MAPT: variants seen among roughly 807,000 people sequenced by gnomAD.
MAPT encodes microtubule associated protein tau, also known as microtubule-associated protein tau.
A neutral mutation model predicts 67.9 loss-of-function variants in MAPT; 34 were observed. The ratio of observed to expected loss-of-function variants is 0.50; its 90% CI spans 0.38 to 0.67. The LOEUF (loss-of-function observed/expected upper bound fraction) is 0.67. Among genes scored for constraint, MAPT ranks in the 30% least tolerant of loss-of-function variants. The pLI is 0.00. For synonymous variants in MAPT, 456 were observed against 464.5 expected, an observed-to-expected ratio of 0.98 and a Z score of 0.23; for missense variants, 881 against 1,115.2, an observed-to-expected ratio of 0.79 and a Z score of 2.99.
rs184768270 is a variant in MAPT, at chr17:45,997,779, C to G, written c.1998+1115C>G. ...TGTCTCAAAACAAAATAAAACAAAC[C>G]AAAAAAACCCACCATGGCTTAGGGC... On this transcript the variant is annotated intron_variant, in intron 9 of 12. Coordinates refer to ENST00000262410, the MANE Select transcript of MAPT (RefSeq NM_001377265.1). Among the ~76,000 whole-genome samples, 264 of 151,970 alleles carry G rather than the reference C, an allele frequency of 1.7e-3. 1 individual carries two copies. The highest frequency in any genetic ancestry group is 6.2e-3 in the African/African-American group (259 of 41,460).
At chr17:45,947,258 C>G (rs2068595833) in intron 1 of MAPT, among the ~76,000 whole-genome samples, 2 of 152,076 alleles carry the variant, frequency 1.3e-5, no homozygotes, top group Non-Finnish European at 2.9e-5. Flanking sequence ...CAAAAGGAGA[C>G]ACAGCTCCTT....
chr17:45,912,242 G>A (rs534022850), intron 1 of MAPT, among the ~76,000 whole-genome samples: 24 of 152,360 alleles, frequency 1.6e-4, no homozygotes, highest in Non-Finnish European at 2.9e-4. Context: ...ATTGGCATAG[G>A]CTGCATAATG....
intron 3 of MAPT, chr17:45,972,861 T>C (rs1225535730): frequency 1.3e-5 from 2 of 152,898 alleles, no homozygotes; most frequent in African/African-American, 4.8e-5. Context: ...TTATGTCTCA[T>C]TGGCCAGAGC....
At chr17:45,913,037 G>A (rs956552803) in intron 1 of MAPT, among the ~76,000 whole-genome samples, 11 of 152,330 alleles carry the variant, frequency 7.2e-5, no homozygotes, top group East Asian at 1.9e-4. Flanking sequence ...GGGTGGAGGC[G>A]TTAGCTGTTA....
intron 1 of MAPT, among the ~76,000 whole-genome samples, chr17:45,945,311 T>C (rs1446142437): frequency 6.6e-6 from 1 of 152,238 alleles, no homozygotes; most frequent in Non-Finnish European, 1.5e-5. Flanking sequence ...TGCCTGGCTA[T>C]AGAAATATTT....
intron 1 of MAPT, among the ~76,000 whole-genome samples, chr17:45,914,746 G>A (rs572003860): frequency 1.3e-5 from 2 of 150,492 alleles, no homozygotes; most frequent in East Asian, 1.9e-4. Flanking sequence ...TTTGAGACAG[G>A]GTCTCTCTCT....
intron 1 of MAPT, among the ~76,000 whole-genome samples, chr17:45,917,817 AG>A (rs1197717648): frequency 3.4e-5 from 5 of 148,838 alleles, no homozygotes; most frequent in African/African-American, 1.2e-4. Context: ...GCTGTCACCC[AG>A]GCTGGAGTGC....
chr17:45,992,009 C>T (rs1040391096), intron 8 of MAPT, among the ~76,000 whole-genome samples: 35 of 152,178 alleles, frequency 2.3e-4, no homozygotes, highest in African/African-American at 7.2e-4. Flanking sequence ...TGGTCTCGAA[C>T]GCCTGACCTC....
In MAPT at chr17:45,989,785, C is replaced by T. The variant is rs571239371; in HGVS notation, c.1408-93C>T. ...ATCACTGCTTTCAACCATTACCTGC[C>T]TTATTTATTTTTAGTTACTGTCCTT... is the stretch of plus-strand genomic sequence containing the variant. On this transcript the variant is annotated intron_variant, in intron 6 of 12. Transcript: ENST00000262410. 5.4e-5 allele frequency: 61 copies of T among 1,138,244 alleles called. No individual in the cohort carries two copies. In the East Asian group the frequency reaches 1.4e-3, roughly 26 times the overall value. The allele number at this position is 1,138,244 out of a possible 1,614,324, so 70.5% of individuals were successfully genotyped here.
chr17:46,016,771 A>AAAG (rs1298751422), intron 11 of MAPT, among the ~76,000 whole-genome samples: 32 of 152,104 alleles, frequency 2.1e-4, no homozygotes, highest in Non-Finnish European at 3.8e-4. Context: ...ACTCAGCAAA[A>AAAG]AAAGAAAGAA....
chr17:45,950,694 G>A (rs917111396), intron 1 of MAPT, among the ~76,000 whole-genome samples: 1 of 152,086 alleles, frequency 6.6e-6, no homozygotes, highest in African/African-American at 2.4e-5. Context: ...TTTTGAGACA[G>A]AGTCTTAACC....
intron 1 of MAPT, among the ~76,000 whole-genome samples, chr17:45,919,387 C>G (rs965217520): frequency 1.3e-5 from 2 of 152,226 alleles, no homozygotes; most frequent in Non-Finnish European, 2.9e-5. Flanking sequence ...CATCCTCACG[C>G]TGCAGAGGTC....
chr17:45,973,005 G>T (rs1006583976), intron 3 of MAPT: 15 of 152,192 alleles, frequency 9.9e-5, no homozygotes, highest in African/African-American at 2.9e-4. Context: ...GGCAGTATCT[G>T]CCCCTCTATC....
At chr17:45,993,604 G>A (rs566144915) in intron 8 of MAPT, among the ~76,000 whole-genome samples, 5 of 152,320 alleles carry the variant, frequency 3.3e-5, no homozygotes, top group East Asian at 1.9e-4. Context: ...AGTAAAGACA[G>A]GGTTTCACCA....
At position 45,906,485 on chromosome 17, in the gene MAPT, G is replaced by A. The variant is rs756903998; in HGVS notation, c.-18+11799G>A. 5.9e-5 allele frequency among the ~76,000 whole-genome samples: 9 copies of A among 152,104 alleles called. No homozygotes were observed. The highest frequency in any genetic ancestry group is 1.2e-4 in the Non-Finnish European group (8 of 68,026). On this transcript the variant is annotated intron_variant, in intron 1 of 12. Transcript: ENST00000262410. This position sits in a 1 kb window ranked among gnomAD's most constrained non-coding sequence, Gnocchi z 4.3. Reference sequence around the variant, plus strand: ...GACATCTGTTTGGTGTCAAAGGCACGGGGCAGGCGCGTTAATTGAACTGCT... The same window carrying A: ...GACATCTGTTTGGTGTCAAAGGCACAGGGCAGGCGCGTTAATTGAACTGCT...
chr17:45,946,893 G>A (rs1361001191), intron 1 of MAPT, among the ~76,000 whole-genome samples: 1 of 152,038 alleles, frequency 6.6e-6, no homozygotes, highest in African/African-American at 2.4e-5. Context: ...AACCATCCGT[G>A]TGCACACAGT....
rs548667593 is a variant in MAPT, at chr17:46,002,982, C to A, written c.1998+6318C>A. Among the ~76,000 whole-genome samples the A allele has an allele frequency of 5.9e-5, 9 of 152,232 alleles. No individual in the cohort carries two copies. The South Asian group carries it at 1.9e-3, about 32-fold the overall frequency. ...TATTTTTTGTAGAGATGGGGTTTCA[C>A]TGTGTCGCCCAGGATGGTCTTGAAC... On this transcript the variant is annotated intron_variant, in intron 9 of 12. Transcript: ENST00000262410.
chr17:45,983,209 C>T lies in MAPT; in HGVS notation c.630C>T (p.Gly210=), dbSNP rs2073157556. The part of the protein sequence containing the change: ...EPESGKVVQE[G]FLREPGPPGL... ...AAAGTGGTAAGGTGGTCCAGGAAGG[C>T]TTCCTCCGAGAGCCAGGCCCCCCAG... The change falls in exon 5 of 13, where the codon GGC becomes GGT. Residue 210 remains glycine, a synonymous_variant. Coordinates refer to ENST00000262410, the MANE Select transcript of MAPT (RefSeq NM_001377265.1). 1.9e-6 allele frequency: 3 copies of T among 1,608,296 alleles called. No homozygotes were observed. Among genetic ancestry groups the T allele is most frequent in the Non-Finnish European group, 1.7e-6 (2 of 1,177,700 alleles).
chr17:45,943,765 C>T (rs1345586853), intron 1 of MAPT, among the ~76,000 whole-genome samples: 1 of 152,170 alleles, frequency 6.6e-6, no homozygotes, highest in African/African-American at 2.4e-5. Flanking sequence ...CCTTGTCTTC[C>T]CTGTGCTTGC....
Sources: allele counts gnomAD v4.1 joint callset (sites outside exome capture counted in the v4.1 genomes callset), GRCh38; gene constraint gnomAD v4.1.1; non-coding constraint Gnocchi (gnomAD v3.1); transcripts MANE v1.5; gene names NCBI Gene and HGNC (gene_info 2026-07-23, HGNC 2026-07-21).